CSMD1: variants seen among roughly 807,000 people sequenced by gnomAD.
The protein encoded by CSMD1 is CUB and sushi domain-containing protein 1.
In CSMD1, 213 loss-of-function variants were observed where a neutral mutation model predicts 417.5. The ratio of observed to expected loss-of-function variants is 0.51; its 90% CI spans 0.46 to 0.57. CSMD1 has a LOEUF of 0.57. CSMD1 is among the 20% of genes least tolerant of loss of function. The pLI is 0.00. For synonymous variants in CSMD1, 2,862 were observed against 1,736.8 expected (o/e 1.65, Z -16.11); for missense variants, 6,923 against 4,529.7 (o/e 1.53, Z -15.17).
chr8:3,047,590 G>C (rs957926017), intron 50 of CSMD1, among the ~76,000 whole-genome samples: 1 of 152,212 alleles, frequency 6.6e-6, no homozygotes, highest in African/African-American at 2.4e-5. Flanking sequence ...ATGCTGTCCT[G>C]ATGGAATCCA....
intron 2 of CSMD1, among the ~76,000 whole-genome samples, chr8:4,631,398 G>GTTT (rs566703213): frequency 0.011 from 1,494 of 138,360 alleles, 24 homozygotes; most frequent in African/African-American, 0.036. Flanking sequence ...ACCTTGGTTT[G>GTTT]TTTTTTTTTT....
At chr8:4,818,391 T>G (rs1429758920) in intron 1 of CSMD1, among the ~76,000 whole-genome samples, 1 of 152,186 alleles carries the variant, frequency 6.6e-6, no homozygotes, top group East Asian at 1.9e-4. Flanking sequence ...AAAGCTCCCC[T>G]TGAACAATAT....
intron 5 of CSMD1, among the ~76,000 whole-genome samples, chr8:3,904,225 G>C (rs1432971566): frequency 1.3e-5 from 2 of 152,116 alleles, no homozygotes; most frequent in East Asian, 1.9e-4. Flanking sequence ...TGGATATCAG[G>C]AGCTGAGTTA....
At chr8:3,445,912 C>G (rs557403769) in intron 12 of CSMD1, among the ~76,000 whole-genome samples, 2 of 152,130 alleles carry the variant, frequency 1.3e-5, no homozygotes, top group African/African-American at 2.4e-5. Flanking sequence ...ATCATCTTGA[C>G]TCCAAAGAAG....
intron 1 of CSMD1, among the ~76,000 whole-genome samples, chr8:4,763,371 C>T (rs1368135521): frequency 1.3e-5 from 2 of 152,142 alleles, no homozygotes; most frequent in South Asian, 2.1e-4. Flanking sequence ...ACAGTCCTTC[C>T]TGTTCTAGGT....
chr8:4,515,453 A>T (rs1191573821), intron 2 of CSMD1, among the ~76,000 whole-genome samples: 1 of 152,184 alleles, frequency 6.6e-6, no homozygotes, highest in Non-Finnish European at 1.5e-5. Flanking sequence ...AGGAGAGTTA[A>T]TATCTGATCT....
chr8:2,987,035 A>AT (rs202089403), intron 54 of CSMD1, among the ~76,000 whole-genome samples: 2,539 of 152,080 alleles, frequency 0.017, 25 homozygotes, highest in Non-Finnish European at 0.026. Flanking sequence ...CTCTTAACTG[A>AT]TTTTAACTCA....
At chr8:4,597,868 G>C (rs1800369691) in intron 2 of CSMD1, among the ~76,000 whole-genome samples, 1 of 152,138 alleles carries the variant, frequency 6.6e-6, no homozygotes, top group Non-Finnish European at 1.5e-5. Context: ...TGCAGTGAGA[G>C]AGACACAGAT....
rs115119323 is a variant in CSMD1, at chr8:3,665,051, G to A, written c.1009+43363C>T. The stretch of plus-strand genomic sequence containing the variant: ...TTATACATAAACTACCAATTTCTCT[G>A]ATGTTTCCATGACATTCAAGAAACA... On this transcript the variant is annotated intron_variant, in intron 7 of 69. Transcript: ENST00000635120. Among the ~76,000 whole-genome samples, 571 of 152,006 alleles carry A rather than the reference G, an allele frequency of 3.8e-3. 2 individuals carry two copies. Among genetic ancestry groups the A allele is most frequent in the African/African-American group, 0.013 (534 of 41,450 alleles).
At chr8:3,522,137 A>G (rs1167113852) in intron 10 of CSMD1, among the ~76,000 whole-genome samples, 1 of 152,160 alleles carries the variant, frequency 6.6e-6, no homozygotes, top group Non-Finnish European at 1.5e-5. Flanking sequence ...TTAAACTACC[A>G]CTCTGACTGC....
At chr8:4,386,681 G>A (rs1803476459) in intron 3 of CSMD1, among the ~76,000 whole-genome samples, 2 of 152,198 alleles carry the variant, frequency 1.3e-5, no homozygotes, top group Non-Finnish European at 2.9e-5. Flanking sequence ...ATGAGCCCTT[G>A]CAGAATGTAT....
chr8:3,898,406 G>A (rs964152445), intron 5 of CSMD1, among the ~76,000 whole-genome samples: 2 of 152,138 alleles, frequency 1.3e-5, no homozygotes, highest in East Asian at 3.9e-4. Flanking sequence ...CTAATCAAGT[G>A]CCATTATAAA....
intron 17 of CSMD1, among the ~76,000 whole-genome samples, chr8:3,394,041 TATATATATATATATAG>T (rs1362273377): frequency 8.8e-6 from 1 of 113,100 alleles, no homozygotes; most frequent in Non-Finnish European, 1.9e-5. Context: ...TATATATATA[TATATATATATATATAG>T]AAAAAAAGAA....
chr8:4,145,612 G>T (rs760148992), intron 3 of CSMD1, among the ~76,000 whole-genome samples: 1 of 150,876 alleles, frequency 6.6e-6, no homozygotes, highest in East Asian at 1.9e-4. Flanking sequence ...TAGTGTCAAA[G>T]TCCTCGGCTC....
At chr8:4,271,627 C>A (rs1490838185) in intron 3 of CSMD1, among the ~76,000 whole-genome samples, 1 of 151,358 alleles carries the variant, frequency 6.6e-6, no homozygotes, top group African/African-American at 2.4e-5. Flanking sequence ...TTTGCAGCAG[C>A]TTTAAAGAAA....
intron 1 of CSMD1, among the ~76,000 whole-genome samples, chr8:4,738,543 C>T (rs796912005): frequency 6.6e-6 from 1 of 152,074 alleles, no homozygotes; most frequent in African/African-American, 2.4e-5. Context: ...ACTCCCATAA[C>T]AGGGGAACTA....
intron 3 of CSMD1, among the ~76,000 whole-genome samples, chr8:4,143,614 T>C (rs1249914687): frequency 6.6e-6 from 1 of 151,070 alleles, no homozygotes. Context: ...CCCATGGCAC[T>C]CTGAGGGTAC....
intron 2 of CSMD1, among the ~76,000 whole-genome samples, chr8:4,458,761 T>C (rs1336595641): frequency 6.6e-6 from 1 of 152,176 alleles, no homozygotes; most frequent in Non-Finnish European, 1.5e-5. Flanking sequence ...AAACATTTTA[T>C]GCATTGAATA....
intron 26 of CSMD1, among the ~76,000 whole-genome samples, chr8:3,252,165 T>A (rs982700832): frequency 6.6e-5 from 10 of 152,224 alleles, no homozygotes; most frequent in African/African-American, 2.4e-4. Flanking sequence ...TGCTTCCAGT[T>A]TTTGCCCATT....
Sources: allele counts gnomAD v4.1 joint callset (sites outside exome capture counted in the v4.1 genomes callset), GRCh38; gene constraint gnomAD v4.1.1; transcripts MANE v1.5; gene names NCBI Gene and HGNC (gene_info 2026-07-23, HGNC 2026-07-21).